Variants in GLIS3 observed in about 807,000 individuals in gnomAD.
GLIS3 encodes the protein GLIS family zinc finger 3, also known as zinc finger protein GLIS3.
Under a neutral mutation model 78.6 loss-of-function variants are expected in GLIS3, and 53 were observed. The observed-to-expected ratio is 0.67, with a 90% confidence interval of 0.54 to 0.85. GLIS3 has a LOEUF of 0.85. GLIS3 is among the 40% of genes least tolerant of loss of function. The pLI, the probability that GLIS3 is intolerant of heterozygous loss-of-function variation, is 0.00. For synonymous variants in GLIS3, 684 were observed against 509.9 expected (o/e 1.34, Z -4.60); for missense variants, 1,703 against 1,231.1 (o/e 1.38, Z -5.74).
At chr9:4,398,947 A>C in the GLIS3 span, among the ~76,000 whole-genome samples, 1 of 152,130 alleles carries the variant, frequency 6.6e-6, no homozygotes, top group Non-Finnish European at 1.5e-5. Flanking sequence ...TTGGCCTCTC[A>C]AAGTGCTAGG....
chr9:4,145,540 G>T (rs1010452362), intron 2 of GLIS3, among the ~76,000 whole-genome samples: 1 of 152,090 alleles, frequency 6.6e-6, no homozygotes, highest in Non-Finnish European at 1.5e-5. Context: ...CAGTTCTTAA[G>T]AATGAGGCTA....
At chr9:4,071,016 T>A (rs746558421) in intron 4 of GLIS3, 4 of 152,212 alleles carry the variant, frequency 2.6e-5, no homozygotes, top group Non-Finnish European at 5.9e-5. Flanking sequence ...TTTTTCTTCC[T>A]TTAAAACTTG....
intron 4 of GLIS3, among the ~76,000 whole-genome samples, chr9:4,098,466 A>G (rs1323612873): frequency 6.6e-6 from 1 of 152,168 alleles, no homozygotes; most frequent in Non-Finnish European, 1.5e-5. Context: ...GGCTTCATCG[A>G]CTAACCCTCA....
At chr9:4,461,188 C>G in the GLIS3 span, among the ~76,000 whole-genome samples, 2 of 152,156 alleles carry the variant, frequency 1.3e-5, no homozygotes, top group African/African-American at 4.8e-5. Flanking sequence ...AAACCTCAGG[C>G]ACAAATTAAG....
intron 4 of GLIS3, among the ~76,000 whole-genome samples, chr9:4,009,310 T>C (rs1346442567): frequency 1.3e-5 from 2 of 152,170 alleles, no homozygotes; most frequent in African/African-American, 2.4e-5. Context: ...TTCATGCTTA[T>C]TGTTTATTGT....
In GLIS3 at chr9:4,343,505, C is replaced by T. The variant is rs532481323; in HGVS notation, n.264+3576G>A. Among the ~76,000 whole-genome samples, 3 of 152,268 alleles carry T rather than the reference C, an allele frequency of 2.0e-5. No individual in the cohort carries two copies. In the South Asian group the frequency reaches 6.2e-4, roughly 32 times the overall value. ...TCAGCTACAGTGGAAAGCAGTTTGG[C>T]GATTACTCAAAGAACCTAAAACTGA... is the stretch of plus-strand genomic sequence containing the variant. On this transcript the variant is annotated intron_variant and non_coding_transcript_variant, in intron 2 of 4. Transcript: ENST00000471664.
intron 4 of GLIS3, among the ~76,000 whole-genome samples, chr9:4,056,553 A>C (rs934046196): frequency 2.0e-5 from 3 of 152,204 alleles, no homozygotes; most frequent in African/African-American, 7.2e-5. Flanking sequence ...CTTTCTACGA[A>C]GCCAGACTTT....
chr9:4,446,062 G>C, the GLIS3 span, among the ~76,000 whole-genome samples: 1 of 152,116 alleles, frequency 6.6e-6, no homozygotes, highest in Admixed American at 6.6e-5. Flanking sequence ...ATAATGGTGT[G>C]TTGCCAAACA....
At chr9:4,184,531 T>C (rs2131186342) in intron 2 of GLIS3, among the ~76,000 whole-genome samples, 1 of 152,270 alleles carries the variant, frequency 6.6e-6, no homozygotes, top group Middle Eastern at 3.4e-3. Flanking sequence ...CGTCCCCTAA[T>C]CCGGGACTGG....
intron 1 of GLIS3, among the ~76,000 whole-genome samples, chr9:4,288,732 G>C (rs1413265537): frequency 1.3e-5 from 1 of 77,980 alleles, no homozygotes; most frequent in African/African-American, 3.8e-5. Flanking sequence ...ATAGTTTTAG[G>C]TTGAAAGTAA....
intron 9 of GLIS3, among the ~76,000 whole-genome samples, chr9:3,848,183 A>G (rs570714353): frequency 2.1e-4 from 32 of 152,342 alleles, no homozygotes; most frequent in Middle Eastern, 6.8e-3. Context: ...GGGAGTGTTT[A>G]CTGTCTTTAA....
At chr9:4,165,434 T>A (rs1001015884) in intron 2 of GLIS3, among the ~76,000 whole-genome samples, 5 of 152,154 alleles carry the variant, frequency 3.3e-5, no homozygotes, top group African/African-American at 1.2e-4. Flanking sequence ...GGAGCGAAAC[T>A]CCGTCTCAAA....
At chr9:4,220,081 G>A (rs1821188116) in intron 2 of GLIS3, among the ~76,000 whole-genome samples, 1 of 152,114 alleles carries the variant, frequency 6.6e-6, no homozygotes, top group African/African-American at 2.4e-5. Flanking sequence ...TCAACAGGCT[G>A]CATAAAAGGG....
At chr9:3,908,582 G>C (rs928319954) in intron 6 of GLIS3, among the ~76,000 whole-genome samples, 1 of 152,076 alleles carries the variant, frequency 6.6e-6, no homozygotes, top group African/African-American at 2.4e-5. Flanking sequence ...AACCTTACTA[G>C]TGAAATCACC....
intron 6 of GLIS3, among the ~76,000 whole-genome samples, chr9:3,912,289 C>T (rs559829308): frequency 3.9e-5 from 6 of 152,290 alleles, no homozygotes; most frequent in African/African-American, 1.2e-4. Flanking sequence ...TCAGAACTAG[C>T]GTCCCGGGGC....
chr9:4,411,265 T>A, the GLIS3 span, among the ~76,000 whole-genome samples: 2 of 152,200 alleles, frequency 1.3e-5, no homozygotes. Context: ...TAATGACTTC[T>A]GTCCTTCACT....
intron 2 of GLIS3, among the ~76,000 whole-genome samples, chr9:4,205,859 T>C (rs965907928): frequency 6.6e-6 from 1 of 152,256 alleles, no homozygotes; most frequent in Non-Finnish European, 1.5e-5. Flanking sequence ...ATATTAAATA[T>C]GGATGACTTC....
chr9:4,195,584 C>T lies in GLIS3; in HGVS notation c.389-69643G>A, dbSNP rs112469609. On this transcript the variant is annotated intron_variant, in intron 2 of 10. Transcript: ENST00000381971. Reference sequence around the variant, plus strand: ...CCCGCCATGCCCGAGCTCCCCTCCACGGGCTCCCACGCGGCCTGAGCCTCC... The same window carrying T: ...CCCGCCATGCCCGAGCTCCCCTCCATGGGCTCCCACGCGGCCTGAGCCTCC... 9.5e-4 allele frequency among the ~76,000 whole-genome samples: 145 copies of T among 152,372 alleles called. 1 individual carries two copies. Among genetic ancestry groups the T allele is most frequent in the African/African-American group, 3.2e-3 (134 of 41,588 alleles).
chr9:4,422,689 A>G, the GLIS3 span, among the ~76,000 whole-genome samples: 1 of 152,246 alleles, frequency 6.6e-6, no homozygotes, highest in African/African-American at 2.4e-5. Flanking sequence ...ATCTCAGATA[A>G]GCTCAGTTAG....
Sources: allele counts gnomAD v4.1 joint callset (sites outside exome capture counted in the v4.1 genomes callset), GRCh38; gene constraint gnomAD v4.1.1; transcripts MANE v1.5; gene names NCBI Gene and HGNC (gene_info 2026-07-23, HGNC 2026-07-21).